The following CORO1C variants were observed in gnomAD, a reference collection of about 807,000 sequenced individuals.
The protein encoded by CORO1C is coronin 1C.
In CORO1C, 14 loss-of-function variants were observed where a neutral mutation model predicts 51.2. That is an observed-to-expected ratio of 0.27 (90% confidence interval 0.18 to 0.43). CORO1C has a LOEUF of 0.43. CORO1C is among the 20% of genes least tolerant of loss of function. The pLI, the probability that CORO1C is intolerant of heterozygous loss-of-function variation, is 1.00. For synonymous variants in CORO1C, 181 were observed against 210.5 expected (o/e 0.86, Z 1.21); for missense variants, 417 against 607.8 (o/e 0.69, Z 3.30).
chr12:108,714,667 G>A (rs773571948), intron 1 of CORO1C, among the ~76,000 whole-genome samples: 2 of 152,018 alleles, frequency 1.3e-5, no homozygotes, highest in East Asian at 3.8e-4. Context: ...GAGGCTGAGG[G>A]CAGGAGGATT....
Position 108,652,348 on chromosome 12 carries a change from T to C in CORO1C, c.925A>G (p.Ser309Gly). The C allele has an allele frequency of 6.2e-7, 1 of 1,613,898 alleles. No individual in the cohort carries two copies. Among genetic ancestry groups the C allele is most frequent in the South Asian group, 1.1e-5 (1 of 91,070 alleles). Residue 309 changes from serine (S) to glycine (G), a missense_variant, in exon 8 of 11, where the codon AGC (serine) becomes GGC (glycine). Ser to Gly is a moderately conservative substitution (Grantham distance 56). Coordinates refer to ENST00000261401, the MANE Select transcript of CORO1C (RefSeq NM_014325.4). The stretch of plus-strand genomic sequence containing the variant: ...ATCCCTCTCTGAGGCTCCTTGCTGC[T>C]GAATGTGTTGAGGTAGTGGACGTAC... ...SPYVHYLNTF[S>G]SKEPQRGMGY...
intron 7 of CORO1C, among the ~76,000 whole-genome samples, chr12:108,653,657 A>G (rs2032791000): frequency 6.6e-6 from 1 of 152,240 alleles, no homozygotes; most frequent in South Asian, 2.1e-4. Context: ...TGCTGAGCTC[A>G]TAAGGCAGGA....
chr12:108,657,277 C>T (rs769092433), intron 6 of CORO1C, 27 bp downstream of exon 6: 20 of 1,607,302 alleles, frequency 1.2e-5, no homozygotes, highest in Admixed American at 1.7e-5. Context: ...CAAGTGAAAG[C>T]AAGTGGAAAG....
intron 5 of CORO1C, 55 bp from the exon 6 acceptor site, chr12:108,657,478 T>G: frequency 6.3e-7 from 1 of 1,590,644 alleles, no homozygotes; most frequent in South Asian, 1.1e-5. Context: ...ACAAGGTGAG[T>G]GGAGAAACTC....
At chr12:108,688,098 AT>A (rs1373958519) in intron 2 of CORO1C, among the ~76,000 whole-genome samples, 1 of 151,234 alleles carries the variant, frequency 6.6e-6, no homozygotes, top group Non-Finnish European at 1.5e-5. Flanking sequence ...TAATTTTTGT[AT>A]TTTTTTTCAC....
At chr12:108,689,567 T>C (rs946362122) in intron 2 of CORO1C, among the ~76,000 whole-genome samples, 2 of 152,202 alleles carry the variant, frequency 1.3e-5, no homozygotes, top group Admixed American at 1.3e-4. Context: ...TTCCAGTACT[T>C]TTCCATCTCC....
intron 1 of CORO1C, among the ~76,000 whole-genome samples, chr12:108,702,606 G>A (rs570995684): frequency 3.3e-5 from 5 of 152,292 alleles, no homozygotes; most frequent in African/African-American, 9.6e-5. Flanking sequence ...AATGGAACAT[G>A]GTTCAACATC....
chr12:108,700,170 C>A (rs565411134), intron 2 of CORO1C, among the ~76,000 whole-genome samples: 1 of 152,128 alleles, frequency 6.6e-6, no homozygotes, highest in Non-Finnish European at 1.5e-5. Flanking sequence ...CCACTTCCCC[C>A]GCTGTTTTCA....
intron 10 of CORO1C, among the ~76,000 whole-genome samples, chr12:108,647,940 T>C (rs2032443176): frequency 9.3e-6 from 1 of 107,458 alleles, no homozygotes. Context: ...GCTACAGAGC[T>C]CCTGCCATCT....
intron 2 of CORO1C, among the ~76,000 whole-genome samples, chr12:108,691,225 A>C (rs1374915805): frequency 1.3e-5 from 2 of 152,188 alleles, no homozygotes; most frequent in African/African-American, 2.4e-5. Flanking sequence ...CCAAGAAAGC[A>C]GACATGTGTC....
At chr12:108,706,493 T>C (rs2035036148) in intron 1 of CORO1C, among the ~76,000 whole-genome samples, 1 of 152,174 alleles carries the variant, frequency 6.6e-6, no homozygotes, top group African/African-American at 2.4e-5. Flanking sequence ...TAAAACTATT[T>C]CTGTGTGCTG....
chr12:108,654,849 G>A (rs185978639), intron 6 of CORO1C, among the ~76,000 whole-genome samples: 56 of 151,912 alleles, frequency 3.7e-4, no homozygotes, highest in African/African-American at 1.2e-3. Context: ...TTATAGATAG[G>A]CACATGCCAC....
chr12:108,720,122 G>A (rs948359873), intron 1 of CORO1C, among the ~76,000 whole-genome samples: 1 of 152,060 alleles, frequency 6.6e-6, no homozygotes, highest in Non-Finnish European at 1.5e-5. Context: ...GGAGGGCGAC[G>A]CTGCATTGAG....
Position 108,660,392 on chromosome 12 carries a change from G to A in CORO1C, c.449-1473C>T, listed in dbSNP as rs1044196490. 4.0e-5 allele frequency among the ~76,000 whole-genome samples: 6 copies of A among 149,988 alleles called. No individual in the cohort carries two copies. The South Asian group carries it at 1.0e-3, about 26-fold the overall frequency. ...CTTGAACTCAGGAGGCGGAGGTTGC[G>A]GTGAGCTGAGATCATGCCATTGCAC... On this transcript the variant is annotated intron_variant, in intron 4 of 10. Coordinates refer to ENST00000261401, the MANE Select transcript of CORO1C (RefSeq NM_014325.4).
At chr12:108,649,057 G>A (rs763345498) in intron 8 of CORO1C, 37 bp from the exon 9 acceptor site, 4 of 1,604,178 alleles carry the variant, frequency 2.5e-6, no homozygotes, top group Non-Finnish European at 3.4e-6. Context: ...TGCATTAAGT[G>A]AAATATGAGG....
At chr12:108,680,863 A>C (rs956456865) in intron 2 of CORO1C, among the ~76,000 whole-genome samples, 30 of 152,356 alleles carry the variant, frequency 2.0e-4, no homozygotes, top group African/African-American at 6.0e-4. Flanking sequence ...TGGAGATTTC[A>C]CTTGCATCCT....
chr12:108,652,525 A>T, intron 7 of CORO1C, 108 bp from the exon 8 acceptor site: 2 of 805,794 alleles, frequency 2.5e-6, no homozygotes, highest in Non-Finnish European at 4.1e-6. Flanking sequence ...ACCCCGCTTC[A>T]GTAGCTGACC....
intron 2 of CORO1C, among the ~76,000 whole-genome samples, chr12:108,680,854 GGA>G (rs1397454787): frequency 2.0e-5 from 3 of 152,212 alleles, no homozygotes; most frequent in African/African-American, 7.2e-5. Context: ...CAGGTAAGAT[GGA>G]GATTTCACTT....
chr12:108,703,766 C>T (rs1042214879), intron 1 of CORO1C, among the ~76,000 whole-genome samples: 1 of 99,406 alleles, frequency 1.0e-5, no homozygotes, highest in Non-Finnish European at 1.9e-5. Context: ...CCAGGAGAGG[C>T]CTGACTATGG....
Sources: allele counts gnomAD v4.1 joint callset (sites outside exome capture counted in the v4.1 genomes callset), GRCh38; gene constraint gnomAD v4.1.1; transcripts MANE v1.5; gene names NCBI Gene and HGNC (gene_info 2026-07-23, HGNC 2026-07-21).